HHLA1: variants seen among roughly 807,000 people sequenced by gnomAD.
HHLA1 encodes HERV-H LTR-associating protein 1.
HHLA1 carries 72 observed loss-of-function variants against 69.9 expected under a neutral mutation model. The observed-to-expected ratio is 1.03, with a 90% CI of 0.85 to 1.25. The LOEUF is 1.25. Among genes scored for constraint, HHLA1 ranks in the 50% most tolerant of loss-of-function variants. The probability of loss-of-function intolerance (pLI) is 0.00; values close to 1 mark genes in which losing one functional copy is unlikely to be tolerated. For missense variants in HHLA1, 685 were observed against 642.2 expected, an observed-to-expected ratio of 1.07 and a Z score of -0.72; for synonymous variants, 252 against 233.2, an observed-to-expected ratio of 1.08 and a Z score of -0.73.
intron 3 of HHLA1, among the ~76,000 whole-genome samples, chr8:132,103,869 C>T (rs1824157935): frequency 6.6e-6 from 1 of 152,138 alleles, no homozygotes; most frequent in African/African-American, 2.4e-5. Context: ...AACGGTACCC[C>T]CCATTATAAA....
At chr8:132,074,378 T>C (rs1221044072) in intron 14 of HHLA1, among the ~76,000 whole-genome samples, 1 of 150,996 alleles carries the variant, frequency 6.6e-6, no homozygotes, top group African/African-American at 2.4e-5. Flanking sequence ...GACACAGAGG[T>C]GTGGAATAAG....
intron 13 of HHLA1, 56 bp downstream of exon 13, chr8:132,076,419 T>TACCCCCCCCC: frequency 3.4e-6 from 2 of 596,538 alleles, no homozygotes; most frequent in Non-Finnish European, 3.1e-6. Flanking sequence ...TCCCCAAGCT[T>TACCCCCCCCC]CCCACCCCTC....
intron 15 of HHLA1, among the ~76,000 whole-genome samples, chr8:132,067,198 A>G (rs1823455938): frequency 6.6e-6 from 1 of 152,192 alleles, no homozygotes; most frequent in Admixed American, 6.5e-5. Flanking sequence ...CAGAGGAAAT[A>G]GAGCCGCTCC....
chr8:132,086,401 T>C (rs1823864384), intron 10 of HHLA1, among the ~76,000 whole-genome samples: 1 of 152,208 alleles, frequency 6.6e-6, no homozygotes, highest in Non-Finnish European at 1.5e-5. Context: ...TCTGTGCTAC[T>C]TGGCCCATTA....
chr8:132,092,161 A>C (rs1309442062), intron 7 of HHLA1, among the ~76,000 whole-genome samples: 1 of 152,220 alleles, frequency 6.6e-6, no homozygotes, highest in Non-Finnish European at 1.5e-5. Context: ...AAAATGAAAG[A>C]TACTGATGGT....
chr8:132,074,272 T>C (rs991898006), intron 14 of HHLA1, among the ~76,000 whole-genome samples: 1 of 152,178 alleles, frequency 6.6e-6, no homozygotes, highest in Non-Finnish European at 1.5e-5. Flanking sequence ...TCTCTGGATA[T>C]ACATAGCAGT....
At chr8:132,074,058 C>A (rs1017288532) in intron 14 of HHLA1, among the ~76,000 whole-genome samples, 1 of 152,208 alleles carries the variant, frequency 6.6e-6, no homozygotes, top group Non-Finnish European at 1.5e-5. Flanking sequence ...GACATGGTGA[C>A]AAAGTACTGT....
intron 2 of HHLA1, 121 bp downstream of exon 2, chr8:132,105,066 T>C: frequency 1.3e-6 from 1 of 779,822 alleles, no homozygotes; most frequent in South Asian, 1.6e-5. Flanking sequence ...ATTCTTGCCA[T>C]TTTGAACAAA....
chr8:132,106,615 C>T (rs929151501), intron 1 of HHLA1, among the ~76,000 whole-genome samples: 2 of 152,236 alleles, frequency 1.3e-5, no homozygotes, highest in Non-Finnish European at 2.9e-5. Flanking sequence ...CATCGTTATG[C>T]TCACAATCCA....
chr8:132,104,765 C>T (rs1220206289), intron 2 of HHLA1, among the ~76,000 whole-genome samples: 1 of 151,970 alleles, frequency 6.6e-6, no homozygotes, highest in Non-Finnish European at 1.5e-5. Flanking sequence ...TGGTACACTA[C>T]ACAGAGAGAA....
chr8:132,092,861 T>C, intron 7 of HHLA1, among the ~76,000 whole-genome samples: 1 of 152,154 alleles, frequency 6.6e-6, no homozygotes, highest in East Asian at 1.9e-4. Flanking sequence ...CAACCTACCT[T>C]AGGCTATGAG....
chr8:132,079,661 A>G, intron 11 of HHLA1, 57 bp downstream of exon 11: 1 of 1,478,240 alleles, frequency 6.8e-7, no homozygotes, highest in Admixed American at 2.5e-5. Flanking sequence ...ATGTGAGCCT[A>G]GAGGTAACAG....
rs1047626834 is a variant in HHLA1 at position 132,071,217 on chromosome 8, TA to T, written c.1469+122del. 88 of 754,924 alleles carry T rather than the reference TA, an allele frequency of 1.2e-4. No individual in the cohort carries two copies. In the Admixed American group the frequency reaches 2.3e-3, roughly 20 times the overall value. The allele number at this position is 754,924 out of a possible 1,614,324, so 46.8% of individuals were successfully genotyped here. On this transcript the variant is annotated intron_variant, in intron 15 of 16. Transcript: ENST00000414222. The stretch of plus-strand genomic sequence containing the variant: ...CACTGGAGAGTCCCTTACCTTGAGG[TA>T]ACCCCTACTGCCTGTCTGTGGATTG...
chr8:132,093,122 T>A (rs1823970854), intron 7 of HHLA1, among the ~76,000 whole-genome samples: 1 of 152,180 alleles, frequency 6.6e-6, no homozygotes, highest in African/African-American at 2.4e-5. Context: ...GGGTAGATAT[T>A]AGCTGGGGTA....
intron 7 of HHLA1, among the ~76,000 whole-genome samples, chr8:132,094,862 T>C (rs558567312): frequency 1.3e-5 from 2 of 152,232 alleles, no homozygotes; most frequent in Non-Finnish European, 2.9e-5. Context: ...CAGATGGAAT[T>C]ACTGAATGGG....
At chr8:132,103,378 A>G (rs1006472932) in intron 3 of HHLA1, among the ~76,000 whole-genome samples, 5 of 152,142 alleles carry the variant, frequency 3.3e-5, no homozygotes, top group Non-Finnish European at 7.4e-5. Flanking sequence ...AGCACTTTGG[A>G]AGGCCGAGGC....
intron 1 of HHLA1, among the ~76,000 whole-genome samples, chr8:132,110,617 G>C (rs1399557099): frequency 6.6e-6 from 1 of 152,144 alleles, no homozygotes; most frequent in Non-Finnish European, 1.5e-5. Flanking sequence ...ACAAACATAA[G>C]GCCCAAGGGA....
At chr8:132,103,790 T>G (rs1824155993) in intron 3 of HHLA1, among the ~76,000 whole-genome samples, 1 of 152,160 alleles carries the variant, frequency 6.6e-6, no homozygotes, top group Non-Finnish European at 1.5e-5. Flanking sequence ...TACTGCAAAG[T>G]GAATTTCATA....
intron 10 of HHLA1, chr8:132,080,522 G>A (rs377642447): frequency 1.3e-5 from 3 of 224,528 alleles, no homozygotes; most frequent in East Asian, 2.5e-4. Context: ...ATCAGTTAAG[G>A]CAAGGACCAG....
Sources: allele counts gnomAD v4.1 joint callset (sites outside exome capture counted in the v4.1 genomes callset), GRCh38; gene constraint gnomAD v4.1.1; transcripts MANE v1.5; gene names NCBI Gene and HGNC (gene_info 2026-07-23, HGNC 2026-07-21).